The following SLC3A2 variants were observed in gnomAD, a reference collection of about 807,000 sequenced individuals.
The protein encoded by SLC3A2 is solute carrier family 3 member 2, also known as amino acid transporter heavy chain SLC3A2.
SLC3A2 carries 32 observed loss-of-function variants against 48.5 expected under a neutral mutation model. The ratio of observed to expected loss-of-function variants is 0.66; its 90% CI spans 0.50 to 0.89. The LOEUF (loss-of-function observed/expected upper bound fraction) is 0.89. Ranked by LOEUF, SLC3A2 falls within the 40% of genes least tolerant of loss-of-function variation. The pLI is 0.00. For missense variants in SLC3A2, 587 were observed against 680.7 expected, an observed-to-expected ratio of 0.86 and a Z score of 1.53; for synonymous variants, 277 against 288.8, an observed-to-expected ratio of 0.96 and a Z score of 0.41.
chr11:62,884,548 G>A (rs1292972092), intron 4 of SLC3A2, 23 bp downstream of exon 4: 1 of 1,614,116 alleles, frequency 6.2e-7, no homozygotes, highest in Non-Finnish European at 8.5e-7. Flanking sequence ...TCCACATTAG[G>A]GACAAAGCTT....
At position 62,884,360 on chromosome 11, in the gene SLC3A2, G is replaced by A. The variant is rs2085679025; in HGVS notation, c.691-97G>A. ...GGCACAGGACTCTCCCCAGCTCCCG[G>A]GGAAGTGTGTGGTGGGTGAGGTTTA... On this transcript the variant is annotated intron_variant, in intron 3 of 8. Coordinates refer to ENST00000338663, the MANE Select transcript of SLC3A2 (RefSeq NM_001013251.3). 1.6e-5 allele frequency: 21 copies of A among 1,340,262 alleles called. No homozygotes were observed. The East Asian group carries it at 3.2e-4, about 21-fold the overall frequency. 83.0% of individuals were successfully genotyped at this position (1,340,262 alleles called of 1,614,324 possible).
intron 1 of SLC3A2, among the ~76,000 whole-genome samples, chr11:62,863,237 T>A (rs2085420701): frequency 6.6e-6 from 1 of 152,096 alleles, no homozygotes; most frequent in Admixed American, 6.6e-5. Context: ...TCTTTTCTTT[T>A]TGAACCAGGA....
At chr11:62,868,454 C>T (rs1265956097) in intron 1 of SLC3A2, among the ~76,000 whole-genome samples, 1 of 150,988 alleles carries the variant, frequency 6.6e-6, no homozygotes, top group Non-Finnish European at 1.5e-5. Flanking sequence ...CAACCTCTGC[C>T]TCCTGGGTTC....
At chr11:62,858,798 G>A (rs1013354231) in intron 1 of SLC3A2, among the ~76,000 whole-genome samples, 20 of 152,142 alleles carry the variant, frequency 1.3e-4, no homozygotes, top group Admixed American at 3.3e-4. Flanking sequence ...TTGCATCATA[G>A]ACAAGGTAAA....
intron 3 of SLC3A2, 144 bp from the exon 4 acceptor site, chr11:62,884,313 C>A: frequency 1.3e-6 from 1 of 766,508 alleles, no homozygotes; most frequent in Non-Finnish European, 2.2e-6. Context: ...CTTTGTAGTG[C>A]AGGTGGGGAA....
At chr11:62,861,910 C>CA (rs1189861840) in intron 1 of SLC3A2, among the ~76,000 whole-genome samples, 918 of 58,656 alleles carry the variant, frequency 0.016, 7 homozygotes, top group African/African-American at 0.02. Context: ...AAACCTCTCT[C>CA]AAAAAAAAAA....
At chr11:62,882,353 A>G (rs1452348267) in intron 2 of SLC3A2, 1 of 335,410 alleles carries the variant, frequency 3.0e-6, no homozygotes, top group African/African-American at 2.3e-5. Flanking sequence ...GTAAAACAGT[A>G]GGTTTTTTTG....
In SLC3A2 at chr11:62,885,483, C is replaced by T. The variant is rs376454165; in HGVS notation, c.1018C>T (p.Leu340=). Residue 340 remains leucine, a synonymous_variant, in exon 7 of 9, where the codon CTG becomes TTG. Transcript: ENST00000338663. The part of the protein sequence containing the change: ...CSWSLSQARL[L]TSFLPAQLLR... ...CCTGTAGTTGTCTCAGGCAAGGCTCCTGACTTCCTTCTTGCCGGCTCAACT... is the reference window on the plus strand; with the variant it reads ...CCTGTAGTTGTCTCAGGCAAGGCTCTTGACTTCCTTCTTGCCGGCTCAACT... 1.2e-6 allele frequency: 2 copies of T among 1,614,184 alleles called. No homozygotes were observed. Among genetic ancestry groups the T allele is most frequent in the East Asian group, 2.2e-5 (1 of 44,882 alleles).
chr11:62,865,889 G>A (rs548575193), intron 1 of SLC3A2, among the ~76,000 whole-genome samples: 3 of 152,182 alleles, frequency 2.0e-5, no homozygotes, highest in East Asian at 3.9e-4. Context: ...ATACTTCCCC[G>A]TATATCTTGA....
chr11:62,871,634 C>T (rs773869290), intron 1 of SLC3A2: 2 of 663,680 alleles, frequency 3.0e-6, no homozygotes, highest in South Asian at 3.2e-5. Flanking sequence ...TCAAGTGATC[C>T]TCCTGCCTTA....
At chr11:62,860,707 G>A (rs898474614) in intron 1 of SLC3A2, among the ~76,000 whole-genome samples, 2 of 152,072 alleles carry the variant, frequency 1.3e-5, no homozygotes, top group African/African-American at 2.4e-5. Flanking sequence ...TTCCCATGAG[G>A]CCATATCTCA....
chr11:62,860,063 A>G (rs569337398), intron 1 of SLC3A2, among the ~76,000 whole-genome samples: 1 of 152,274 alleles, frequency 6.6e-6, no homozygotes, highest in East Asian at 1.9e-4. Context: ...GCAGGACTAT[A>G]GGGTAATGGT....
chr11:62,880,087 A>G (rs555122128), upstream of SLC3A2, among the ~76,000 whole-genome samples: 2 of 152,266 alleles, frequency 1.3e-5, no homozygotes, highest in Admixed American at 1.3e-4. Flanking sequence ...TGTTCATTAC[A>G]GCCCTATCAG....
At chr11:62,876,854 G>T (rs1482191679), upstream of SLC3A2, 1 of 990,568 alleles carries the variant, frequency 1.0e-6, no homozygotes, top group Non-Finnish European at 1.3e-6. Context: ...CGACTGCCTC[G>T]GCCTCCGGAA....
intron 1 of SLC3A2, chr11:62,870,901 G>T (rs1188557528): frequency 2.8e-5 from 5 of 178,908 alleles, no homozygotes; most frequent in Admixed American, 2.7e-4. Flanking sequence ...TATTTGAGAT[G>T]GAGTCTTGCT....
chr11:62,862,333 CAAAAA>C (rs71065311), intron 1 of SLC3A2, among the ~76,000 whole-genome samples: 1 of 55,912 alleles, frequency 1.8e-5, no homozygotes, highest in Admixed American at 2.8e-4. Context: ...GACTCTGTCT[CAAAAA>C]AAAAAAAAAA....
intron 1 of SLC3A2, among the ~76,000 whole-genome samples, chr11:62,862,634 CA>C (rs1405191845): frequency 6.6e-6 from 1 of 152,120 alleles, no homozygotes; most frequent in African/African-American, 2.4e-5. Context: ...ATACAATTCA[CA>C]AATAGGACTC....
Position 62,880,940 on chromosome 11 carries a change from A to G in SLC3A2, c.-84A>G. On this transcript the variant is annotated 5_prime_UTR_variant, in exon 1 of 9. Coordinates refer to ENST00000338663, the MANE Select transcript of SLC3A2 (RefSeq NM_001013251.3). ...GCGCGGAGGCACAGAGGCCGGGGAG[A>G]GCGTTCTGGGTCCGAGGGTCCAGGT... The G allele has an allele frequency of 6.8e-7, 1 of 1,478,330 alleles. No individual in the cohort carries two copies. The highest frequency in any genetic ancestry group is 1.4e-5 in the South Asian group (1 of 70,180). 91.6% of individuals were successfully genotyped at this position (1,478,330 alleles called of 1,614,324 possible). A position where few individuals can be genotyped will look rare whatever the true frequency, so the allele number is the denominator to read the frequency against.
At chr11:62,859,870 A>G (rs1181111255) in intron 1 of SLC3A2, among the ~76,000 whole-genome samples, 1 of 151,978 alleles carries the variant, frequency 6.6e-6, no homozygotes, top group African/African-American at 2.4e-5. Context: ...ACCTGTGGGT[A>G]TTTCTCGTCA....
Sources: gnomAD v4.1 joint callset for allele counts (sites outside exome capture counted in the v4.1 genomes callset) on GRCh38, gnomAD v4.1.1 for gene constraint, MANE v1.5 for transcripts, NCBI Gene and HGNC (gene_info 2026-07-23, HGNC 2026-07-21) for gene names.